MDGA2: variants seen among roughly 807,000 people sequenced by gnomAD.
The protein encoded by MDGA2 is MAM domain-containing glycosylphosphatidylinositol anchor protein 2.
MDGA2 carries 40 observed loss-of-function variants against 117.8 expected under a neutral mutation model. The observed-to-expected ratio is 0.34, with a 90% CI of 0.26 to 0.44. The LOEUF is 0.44. MDGA2 is among the 20% of genes least tolerant of loss of function. The pLI is 1.00. For missense variants in MDGA2, 1,123 were observed against 1,250.6 expected (o/e 0.90, Z 1.54); for synonymous variants, 452 against 439.0 (o/e 1.03, Z -0.37).
intron 1 of MDGA2, among the ~76,000 whole-genome samples, chr14:47,448,101 A>T (rs1200834860): frequency 6.6e-6 from 1 of 151,546 alleles, no homozygotes. Flanking sequence ...TTCCAGAAAG[A>T]TGAAGCTTTA....
chr14:47,252,557 T>A lies in MDGA2; in HGVS notation c.421-34362A>T, dbSNP rs116344906. 4.6e-3 allele frequency among the ~76,000 whole-genome samples: 704 copies of A among 152,288 alleles called. 7 individuals are homozygous for A. The highest frequency in any genetic ancestry group is 0.016 in the African/African-American group (669 of 41,550). ...ACATGCAGAATTTTAAAAAATTGAA[T>A]CTGTTAATTTACTATGTTTTTACTG... On this transcript the variant is annotated intron_variant, in intron 2 of 16. Transcript: ENST00000399232.
chr14:47,200,933 CG>C (rs1246162472), intron 3 of MDGA2: 2 of 831,154 alleles, frequency 2.4e-6, no homozygotes, highest in Non-Finnish European at 4.2e-6. Flanking sequence ...CAGCAAGCCT[CG>C]CTCGGTCCGA....
intron 7 of MDGA2, among the ~76,000 whole-genome samples, chr14:47,036,270 CA>C (rs11310113): frequency 0.3 from 22,327 of 74,616 alleles, 679 homozygotes; most frequent in East Asian, 0.44. Flanking sequence ...ACTCTGTCTC[CA>C]AAAAAAAAAA....
intron 8 of MDGA2, among the ~76,000 whole-genome samples, chr14:47,006,147 A>C (rs1229271545): frequency 1.3e-5 from 2 of 151,208 alleles, no homozygotes; most frequent in African/African-American, 4.8e-5. Context: ...TTTTCAAAAA[A>C]ATTTTGTTAA....
At chr14:46,914,790 T>G (rs1883838476) in intron 10 of MDGA2, among the ~76,000 whole-genome samples, 1 of 152,114 alleles carries the variant, frequency 6.6e-6, no homozygotes, top group Admixed American at 6.5e-5. Flanking sequence ...AAGGCAATGT[T>G]TGATATTAAG....
At chr14:47,304,504 T>C (rs1369995218) in intron 1 of MDGA2, among the ~76,000 whole-genome samples, 2 of 152,094 alleles carry the variant, frequency 1.3e-5, no homozygotes, top group Non-Finnish European at 2.9e-5. Flanking sequence ...CACCATAAAC[T>C]AGATTAAGAA....
At chr14:47,253,425 C>T (rs35778189) in intron 2 of MDGA2, among the ~76,000 whole-genome samples, 32,968 of 152,078 alleles carry the variant, frequency 0.22, 4,325 homozygotes, top group East Asian at 0.45. Flanking sequence ...AGAAATTGGC[C>T]AAGACAAACG....
chr14:47,165,866 C>T (rs180961240), intron 3 of MDGA2, among the ~76,000 whole-genome samples: 31 of 152,092 alleles, frequency 2.0e-4, no homozygotes, highest in Non-Finnish European at 1.6e-4. Context: ...CTCTTACATA[C>T]CGATAGGCAG....
chr14:47,395,618 G>A (rs1310549446), intron 1 of MDGA2, among the ~76,000 whole-genome samples: 1 of 151,890 alleles, frequency 6.6e-6, no homozygotes, highest in Non-Finnish European at 1.5e-5. Flanking sequence ...AAAACTATAA[G>A]GCAATCAAAA....
At chr14:47,389,172 T>C (rs1462951940) in intron 1 of MDGA2, among the ~76,000 whole-genome samples, 2 of 143,314 alleles carry the variant, frequency 1.4e-5, no homozygotes, top group Non-Finnish European at 2.9e-5. Context: ...TCCAGCACAG[T>C]ACTAGCAAAT....
At chr14:46,971,364 G>T (rs748654778) in intron 8 of MDGA2, among the ~76,000 whole-genome samples, 1 of 152,094 alleles carries the variant, frequency 6.6e-6, no homozygotes, top group Non-Finnish European at 1.5e-5. Flanking sequence ...ACACAATGGA[G>T]TAATATTCAG....
intron 2 of MDGA2, among the ~76,000 whole-genome samples, chr14:47,236,823 G>A (rs767912790): frequency 1.3e-5 from 2 of 152,064 alleles, no homozygotes; most frequent in Non-Finnish European, 2.9e-5. Context: ...GCTTTTTCCT[G>A]AACTGGGCCA....
At chr14:46,875,687 A>G (rs1425392315) in intron 12 of MDGA2, among the ~76,000 whole-genome samples, 3 of 151,614 alleles carry the variant, frequency 2.0e-5, no homozygotes, top group African/African-American at 7.2e-5. Flanking sequence ...AAGATATTTT[A>G]GGTATGACAT....
intron 1 of MDGA2, among the ~76,000 whole-genome samples, chr14:47,464,733 A>G (rs1028326230): frequency 2.0e-5 from 3 of 152,200 alleles, no homozygotes; most frequent in Admixed American, 6.5e-5. Flanking sequence ...AATCAATATC[A>G]TTAAAATGGC....
At chr14:47,349,828 AC>A (rs1208322099) in intron 1 of MDGA2, among the ~76,000 whole-genome samples, 1 of 151,910 alleles carries the variant, frequency 6.6e-6, no homozygotes, top group Non-Finnish European at 1.5e-5. Context: ...TCATTCTTTT[AC>A]CCCCAGAAGG....
At chr14:47,005,608 T>A (rs1455911581) in intron 8 of MDGA2, among the ~76,000 whole-genome samples, 1 of 151,522 alleles carries the variant, frequency 6.6e-6, no homozygotes, top group African/African-American at 2.4e-5. Flanking sequence ...TTTTTATATA[T>A]CTGAATAATG....
At chr14:47,070,001 A>C (rs1282015254) in intron 6 of MDGA2, among the ~76,000 whole-genome samples, 1 of 151,972 alleles carries the variant, frequency 6.6e-6, no homozygotes, top group African/African-American at 2.4e-5. Context: ...AGATAGATTT[A>C]TTTCTTTTTC....
chr14:47,653,948 AT>A (rs1183250468), intron 1 of MDGA2, among the ~76,000 whole-genome samples: 2 of 152,162 alleles, frequency 1.3e-5, no homozygotes. Context: ...TGACCCCTTG[AT>A]TTTAGCTCAG....
intron 8 of MDGA2, among the ~76,000 whole-genome samples, chr14:46,989,536 T>G (rs1411054629): frequency 6.6e-6 from 1 of 152,008 alleles, no homozygotes; most frequent in East Asian, 1.9e-4. Context: ...AGACTAAATA[T>G]TACATCAACT....
Sources: gnomAD v4.1 joint callset for allele counts (sites outside exome capture counted in the v4.1 genomes callset) on GRCh38, gnomAD v4.1.1 for gene constraint, MANE v1.5 for transcripts, NCBI Gene and HGNC (gene_info 2026-07-23, HGNC 2026-07-21) for gene names.